AKAP6: variants seen among roughly 807,000 people sequenced by gnomAD.
AKAP6 encodes A-kinase anchoring protein 6, also known as A-kinase anchor protein 6.
Under a neutral mutation model 188.5 loss-of-function variants are expected in AKAP6, and 58 were observed. That is an observed-to-expected ratio of 0.31 (90% CI 0.25 to 0.38). The LOEUF (loss-of-function observed/expected upper bound fraction) is 0.38. Among genes scored for constraint, AKAP6 ranks in the 10% least tolerant of loss-of-function variants. The pLI is 1.00. For synonymous variants in AKAP6, 989 were observed against 998.6 expected (o/e 0.99, Z 0.18); for missense variants, 2,710 against 2,740.0 (o/e 0.99, Z 0.24).
chr14:32,367,222 C>T (rs1449644918), intron 1 of AKAP6, among the ~76,000 whole-genome samples: 2 of 152,122 alleles, frequency 1.3e-5, no homozygotes, highest in African/African-American at 2.4e-5. Context: ...AAAAAGCCTC[C>T]AAAACATAGA....
At chr14:32,422,030 C>G (rs1183055637) in intron 1 of AKAP6, among the ~76,000 whole-genome samples, 1 of 152,178 alleles carries the variant, frequency 6.6e-6, no homozygotes, top group African/African-American at 2.4e-5. Flanking sequence ...GGTAATAAAC[C>G]TCCAGTCTTC....
intron 2 of AKAP6, among the ~76,000 whole-genome samples, chr14:32,509,458 A>G (rs143045987): frequency 3.9e-5 from 6 of 152,254 alleles, no homozygotes; most frequent in African/African-American, 1.4e-4. Flanking sequence ...AGATGGACAC[A>G]GTCTGTTATT....
intron 10 of AKAP6, chr14:32,733,072 T>C (rs533535548): frequency 3.0e-4 from 52 of 173,130 alleles, no homozygotes; most frequent in Admixed American, 4.3e-4. Flanking sequence ...AGATGCAAAT[T>C]TGACCCAAAT....
intron 1 of AKAP6, among the ~76,000 whole-genome samples, chr14:32,390,587 C>T (rs889729824): frequency 2.0e-5 from 3 of 152,120 alleles, no homozygotes; most frequent in Admixed American, 2.0e-4. Flanking sequence ...ATGTGGCTTC[C>T]TGAGGGCTGA....
At chr14:32,448,252 C>A (rs1298303876) in intron 2 of AKAP6, among the ~76,000 whole-genome samples, 2 of 152,118 alleles carry the variant, frequency 1.3e-5, no homozygotes, top group East Asian at 3.8e-4. Flanking sequence ...ACCTTCTAAC[C>A]CTAACATTTC....
chr14:32,579,490 A>T (rs1265473606), intron 5 of AKAP6, among the ~76,000 whole-genome samples: 6 of 152,150 alleles, frequency 3.9e-5, no homozygotes, highest in Non-Finnish European at 8.8e-5. Context: ...GTTAAATTAC[A>T]GTCTCAAATT....
intron 1 of AKAP6, among the ~76,000 whole-genome samples, chr14:32,387,469 TTTTTA>T (rs1888569994): frequency 6.7e-6 from 1 of 148,158 alleles, no homozygotes; most frequent in Non-Finnish European, 1.5e-5. Context: ...TATTTATCAT[TTTTTA>T]TTTTATTATT....
At chr14:32,541,048 C>T (rs1228670490) in intron 3 of AKAP6, among the ~76,000 whole-genome samples, 3 of 151,744 alleles carry the variant, frequency 2.0e-5, no homozygotes, top group Non-Finnish European at 2.9e-5. Context: ...ACCTGTTCCC[C>T]GATAACCTAT....
intron 7 of AKAP6, among the ~76,000 whole-genome samples, chr14:32,634,241 A>G (rs1887395681): frequency 1.3e-5 from 2 of 152,096 alleles, no homozygotes; most frequent in South Asian, 4.1e-4. Flanking sequence ...AAGGATAATA[A>G]GAGTACCCAA....
chr14:32,664,116 T>C (rs1425497516), intron 7 of AKAP6, among the ~76,000 whole-genome samples: 1 of 152,074 alleles, frequency 6.6e-6, no homozygotes, highest in Non-Finnish European at 1.5e-5. Context: ...ACTTAGAATA[T>C]CAATATGCCT....
chr14:32,811,606 C>G (rs192240181), intron 12 of AKAP6, among the ~76,000 whole-genome samples: 1 of 152,244 alleles, frequency 6.6e-6, no homozygotes, highest in Non-Finnish European at 1.5e-5. Flanking sequence ...AGCCCTCTCA[C>G]GTATGGGATC....
chr14:32,668,971 A>G (rs1234689764), intron 7 of AKAP6, among the ~76,000 whole-genome samples: 1 of 152,164 alleles, frequency 6.6e-6, no homozygotes, highest in Non-Finnish European at 1.5e-5. Context: ...TCTCTTATAC[A>G]ATAATTAAAA....
intron 12 of AKAP6, among the ~76,000 whole-genome samples, chr14:32,799,518 T>A (rs921395284): frequency 2.6e-5 from 4 of 152,206 alleles, no homozygotes; most frequent in Admixed American, 6.5e-5. Flanking sequence ...TATTTTTGTT[T>A]TTATTTAGTT....
chr14:32,605,696 C>T (rs1380630813), intron 7 of AKAP6, among the ~76,000 whole-genome samples: 1 of 152,152 alleles, frequency 6.6e-6, no homozygotes, highest in African/African-American at 2.4e-5. Flanking sequence ...TTATGTCAGT[C>T]CTCTTTCCAT....
Position 32,572,616 on chromosome 14 carries a change from T to C in AKAP6, c.2347-4504T>C, listed in dbSNP as rs535456387. 2.3e-4 allele frequency among the ~76,000 whole-genome samples: 35 copies of C among 152,332 alleles called. No individual in the cohort carries two copies. In the East Asian group the frequency reaches 6.4e-3, roughly 28 times the overall value. On this transcript the variant is annotated intron_variant, in intron 4 of 13. Transcript: ENST00000280979. ...AGAAATAATGAGTATTCTTAACTTG[T>C]TGGGAGAGTGTAGCACTTTGCAAGA...
chr14:32,469,798 T>C (rs781037772), intron 2 of AKAP6, among the ~76,000 whole-genome samples: 6 of 152,016 alleles, frequency 3.9e-5, no homozygotes, highest in Admixed American at 6.6e-5. Flanking sequence ...GATACAGAGA[T>C]TGCATTATGT....
At chr14:32,553,456 G>A (rs1343300996) in intron 4 of AKAP6, among the ~76,000 whole-genome samples, 1 of 152,102 alleles carries the variant, frequency 6.6e-6, no homozygotes, top group Non-Finnish European at 1.5e-5. Context: ...ACAGGCGTGA[G>A]CCACCGCGCC....
At position 32,579,741 on chromosome 14, in the gene AKAP6, T is replaced by G. The variant is rs116399647; in HGVS notation, c.2469+2499T>G. Among the ~76,000 whole-genome samples the G allele has an allele frequency of 6.7e-3, 1,016 of 152,290 alleles. 13 individuals are homozygous for G. Among genetic ancestry groups the G allele is most frequent in the African/African-American group, 0.023 (947 of 41,578 alleles). Reference sequence around the variant, plus strand: ...ATATTGTCATTTTTATTGTATTTCTTTACTGTCATGCTGAATTAATGATAA... The same window carrying G: ...ATATTGTCATTTTTATTGTATTTCTGTACTGTCATGCTGAATTAATGATAA... On this transcript the variant is annotated intron_variant, in intron 5 of 13. Coordinates refer to ENST00000280979, the MANE Select transcript of AKAP6 (RefSeq NM_004274.5).
chr14:32,368,161 T>G (rs1232360040), intron 1 of AKAP6, among the ~76,000 whole-genome samples: 9 of 152,204 alleles, frequency 5.9e-5, no homozygotes. Flanking sequence ...TCCTCCTGAT[T>G]GCTTTTCTCT....
Sources: allele counts gnomAD v4.1 joint callset (sites outside exome capture counted in the v4.1 genomes callset), GRCh38; gene constraint gnomAD v4.1.1; transcripts MANE v1.5; gene names NCBI Gene and HGNC (gene_info 2026-07-23, HGNC 2026-07-21).